HIVEP1: variants seen among roughly 807,000 people sequenced by gnomAD.
The protein encoded by HIVEP1 is zinc finger protein 40.
HIVEP1 carries 36 observed loss-of-function variants against 180.0 expected under a neutral mutation model. The observed-to-expected ratio is 0.20, with a 90% CI of 0.15 to 0.26. The LOEUF is 0.26. Ranked by LOEUF, HIVEP1 falls within the 10% of genes least tolerant of loss-of-function variation. The pLI, the probability that HIVEP1 is intolerant of heterozygous loss-of-function variation, is 1.00. For synonymous variants in HIVEP1, 1,239 were observed against 1,239.0 expected, an observed-to-expected ratio of 1.00 and a Z score of 0.00; for missense variants, 3,143 against 3,268.7, an observed-to-expected ratio of 0.96 and a Z score of 0.94.
At chr6:12,051,448 A>G (rs1168353050) in intron 2 of HIVEP1, among the ~76,000 whole-genome samples, 1 of 152,142 alleles carries the variant, frequency 6.6e-6, no homozygotes, top group Non-Finnish European at 1.5e-5. Context: ...TCCATCTTCT[A>G]TCTCTGCCTT....
intron 3 of HIVEP1, among the ~76,000 whole-genome samples, chr6:12,098,877 G>A (rs1024360830): frequency 2.0e-5 from 3 of 152,190 alleles, no homozygotes; most frequent in Non-Finnish European, 4.4e-5. Flanking sequence ...GTGGAGCTAT[G>A]CTATATGCAG....
chr6:12,184,577 T>A, the HIVEP1 span, among the ~76,000 whole-genome samples: 1 of 152,240 alleles, frequency 6.6e-6, no homozygotes, highest in Non-Finnish European at 1.5e-5. Context: ...GTAATGAAGC[T>A]ATTGATCGTT....
intron 2 of HIVEP1, among the ~76,000 whole-genome samples, chr6:12,057,807 A>G (rs186058470): frequency 6.6e-6 from 1 of 152,326 alleles, no homozygotes; most frequent in Non-Finnish European, 1.5e-5. Flanking sequence ...TATTTGGACA[A>G]TGGGAGGGGA....
In HIVEP1 at chr6:12,063,425, A is replaced by G. The variant is rs1771368472; in HGVS notation, c.41-25759A>G. ...AAATCACCCCAACCTAAAAACCACT[A>G]GTGGAGTTATATGGCATTAAACAAG... On this transcript the variant is annotated intron_variant, in intron 2 of 8. Transcript: ENST00000379388. The surrounding 1 kb of genome is among the most constrained non-coding windows in gnomAD (Gnocchi z 4.2). 6.6e-6 allele frequency among the ~76,000 whole-genome samples: 1 copy of G among 152,112 alleles called. No homozygotes were observed. The highest frequency in any genetic ancestry group is 1.5e-5 in the Non-Finnish European group (1 of 68,016).
rs749709698 is a variant in HIVEP1, at chr6:12,121,358, G to A, written c.1563G>A (p.Arg521=). ...TGCAGCCTGTGCACATAATAAAGAGGATGTCAAATGCTGAAACTTTACTAA... is the reference window on the plus strand; with the variant it reads ...TGCAGCCTGTGCACATAATAAAGAGAATGTCAAATGCTGAAACTTTACTAA... ...MELQPVHIIK[R]MSNAETLLKS... Residue 521 remains arginine, a synonymous_variant, in exon 4 of 9, where the codon AGG becomes AGA. Transcript: ENST00000379388. The surrounding 1 kb of genome is among the most constrained non-coding windows in gnomAD (Gnocchi z 5.3). The A allele has an allele frequency of 1.2e-6, 2 of 1,613,978 alleles. No homozygotes were observed. Among genetic ancestry groups the A allele is most frequent in the Non-Finnish European group, 1.7e-6 (2 of 1,180,034 alleles).
At chr6:12,043,271 C>A (rs1769892800) in intron 2 of HIVEP1, among the ~76,000 whole-genome samples, 1 of 151,986 alleles carries the variant, frequency 6.6e-6, no homozygotes, top group Non-Finnish European at 1.5e-5. Flanking sequence ...ATGAGTTGAT[C>A]CAGGCAGGCA....
At chr6:12,028,820 G>A (rs1768750164) in intron 2 of HIVEP1, among the ~76,000 whole-genome samples, 1 of 152,212 alleles carries the variant, frequency 6.6e-6, no homozygotes, top group African/African-American at 2.4e-5. Context: ...TTTAGAACAT[G>A]TCTGTCACCC....
At chr6:12,206,995 T>G in the HIVEP1 span, among the ~76,000 whole-genome samples, 1 of 152,104 alleles carries the variant, frequency 6.6e-6, no homozygotes, top group Non-Finnish European at 1.5e-5. Context: ...TTAATAAACC[T>G]AGGGGGTTGC....
chr6:12,080,426 G>A (rs184453019), intron 2 of HIVEP1, among the ~76,000 whole-genome samples: 3 of 152,210 alleles, frequency 2.0e-5, no homozygotes, highest in African/African-American at 4.8e-5. Flanking sequence ...GTCTCACAAG[G>A]CTGCCAAATG....
chr6:12,061,700 TTTG>T (rs761890700), intron 2 of HIVEP1, among the ~76,000 whole-genome samples: 1 of 152,208 alleles, frequency 6.6e-6, no homozygotes, highest in Admixed American at 6.5e-5. Context: ...TTTTATGGCT[TTTG>T]TTGACATAAG....
At chr6:12,046,976 T>G (rs1176098659) in intron 2 of HIVEP1, among the ~76,000 whole-genome samples, 2 of 150,930 alleles carry the variant, frequency 1.3e-5, no homozygotes, top group Non-Finnish European at 2.9e-5. Flanking sequence ...TTCCCCTGCC[T>G]CAGCCTCCCG....
intron 7 of HIVEP1, among the ~76,000 whole-genome samples, chr6:12,157,133 T>C (rs1760109206): frequency 1.3e-5 from 2 of 152,200 alleles, no homozygotes; most frequent in African/African-American, 4.8e-5. Flanking sequence ...TCTGCAGCTG[T>C]ATTTTAGTTA....
At position 12,124,900 on chromosome 6, in the gene HIVEP1, A is replaced by C. The variant is rs764137722; in HGVS notation, c.5105A>C (p.Lys1702Thr). 1 of 1,614,126 alleles carries C rather than the reference A, an allele frequency of 6.2e-7. No individual in the cohort carries two copies. The highest frequency in any genetic ancestry group is 8.5e-7 in the Non-Finnish European group (1 of 1,180,022). Residue 1702 changes from lysine (K) to threonine (T), a missense_variant, in exon 4 of 9, where the codon AAG (lysine) becomes ACG (threonine). By Grantham distance (78) the Lys-to-Thr change is moderately conservative. Around this residue, in one of 12 missense-constraint regions of HIVEP1, gnomAD observed 1,357 missense variants for 1,260.5 expected, o/e 1.08. Coordinates refer to ENST00000379388, the MANE Select transcript of HIVEP1 (RefSeq NM_002114.4). ...GHQNALPNPE[K>T]EFLCENVFSE... ...CAGAATGCTTTGCCAAACCCAGAGA[A>C]GGAATTTCTATGTGAAAATGTTTTT...
chr6:12,064,211 C>A (rs531367489), intron 2 of HIVEP1, among the ~76,000 whole-genome samples: 5 of 152,168 alleles, frequency 3.3e-5, no homozygotes, highest in African/African-American at 1.2e-4. Context: ...TTACGGATTT[C>A]TGGAAGCAAT....
chr6:12,135,111 C>T (rs1758635045), intron 6 of HIVEP1, among the ~76,000 whole-genome samples: 1 of 152,176 alleles, frequency 6.6e-6, no homozygotes, highest in Non-Finnish European at 1.5e-5. Flanking sequence ...CCTGAGATAG[C>T]ATCTGAGGTT....
chr6:12,103,216 A>G (rs967871533), intron 3 of HIVEP1, among the ~76,000 whole-genome samples: 2 of 151,332 alleles, frequency 1.3e-5, no homozygotes, highest in Non-Finnish European at 2.9e-5. Flanking sequence ...TAATAATAAT[A>G]TCAACAGAAG....
the HIVEP1 span, among the ~76,000 whole-genome samples, chr6:12,182,353 T>C: frequency 6.6e-6 from 1 of 152,080 alleles, no homozygotes; most frequent in Non-Finnish European, 1.5e-5. Context: ...AGAATCACAC[T>C]CAGAAATTGC....
the HIVEP1 span, among the ~76,000 whole-genome samples, chr6:12,170,364 C>T: frequency 6.6e-6 from 1 of 151,872 alleles, no homozygotes; most frequent in South Asian, 2.1e-4. Context: ...CTTGGTTAAG[C>T]AGAGACAGTG....
chr6:12,018,545 C>T (rs1767987584), intron 2 of HIVEP1, among the ~76,000 whole-genome samples: 2 of 152,218 alleles, frequency 1.3e-5, no homozygotes, highest in Non-Finnish European at 2.9e-5. Context: ...AAACATGTAA[C>T]TATGTACTAT....
Sources: gnomAD v4.1 joint callset for allele counts (sites outside exome capture counted in the v4.1 genomes callset) on GRCh38, gnomAD v4.1.1 for gene constraint, gnomAD v4.1.1 regional missense constraint, Gnocchi (gnomAD v3.1) non-coding constraint, MANE v1.5 for transcripts, NCBI Gene and HGNC (gene_info 2026-07-23, HGNC 2026-07-21) for gene names.